Variants in TMEM131 observed in about 807,000 individuals in gnomAD.
TMEM131 encodes the protein 2610524E03Rik.
In TMEM131, 66 loss-of-function variants were observed where a neutral mutation model predicts 211.6. The ratio of observed to expected loss-of-function variants is 0.31; its 90% CI spans 0.26 to 0.38. TMEM131 has a LOEUF of 0.38. Among genes scored for constraint, TMEM131 ranks in the 10% least tolerant of loss-of-function variants. TMEM131 has a pLI of 1.00. For synonymous variants in TMEM131, 844 were observed against 841.3 expected, an observed-to-expected ratio of 1.00 and a Z score of -0.06; for missense variants, 2,036 against 2,299.3, an observed-to-expected ratio of 0.89 and a Z score of 2.34.
intron 1 of TMEM131, among the ~76,000 whole-genome samples, chr2:97,938,607 T>C (rs952296611): frequency 1.3e-5 from 2 of 152,048 alleles, no homozygotes; most frequent in African/African-American, 4.8e-5. Context: ...CTGTCAACAT[T>C]AGACAGATCA....
intron 19 of TMEM131, among the ~76,000 whole-genome samples, chr2:97,807,374 C>T (rs1172365215): frequency 1.3e-5 from 2 of 152,132 alleles, no homozygotes; most frequent in African/African-American, 2.4e-5. Context: ...GTTCTGACCT[C>T]GTAGTAATGA....
intron 11 of TMEM131, among the ~76,000 whole-genome samples, chr2:97,825,435 C>T (rs1174080412): frequency 6.6e-6 from 1 of 152,206 alleles, no homozygotes; most frequent in East Asian, 1.9e-4. Context: ...TATCCTCACC[C>T]TAAGACAAAA....
chr2:97,956,826 C>T (rs1240978832), intron 1 of TMEM131, among the ~76,000 whole-genome samples: 5 of 152,090 alleles, frequency 3.3e-5, no homozygotes, highest in South Asian at 4.2e-4. Flanking sequence ...CGGCTGGGCA[C>T]GGTGGCTCAC....
intron 35 of TMEM131, 75 bp from the exon 36 acceptor site, chr2:97,762,275 TCTAA>T: frequency 6.9e-7 from 1 of 1,442,810 alleles, no homozygotes; most frequent in Non-Finnish European, 9.6e-7. Context: ...TTGAATGTTC[TCTAA>T]GACTATGCAT....
intron 11 of TMEM131, among the ~76,000 whole-genome samples, chr2:97,826,392 C>A (rs1349566130): frequency 6.6e-6 from 1 of 152,124 alleles, no homozygotes; most frequent in Non-Finnish European, 1.5e-5. Context: ...CTAGGGGAAC[C>A]CCCATTAAAT....
At chr2:97,894,113 C>G (rs2104296356) in intron 3 of TMEM131, among the ~76,000 whole-genome samples, 1 of 152,282 alleles carries the variant, frequency 6.6e-6, no homozygotes, top group East Asian at 1.9e-4. Context: ...CCAGTTTTCC[C>G]AACATCATTT....
chr2:97,867,303 G>A (rs559938795), intron 4 of TMEM131, among the ~76,000 whole-genome samples: 4 of 152,162 alleles, frequency 2.6e-5, no homozygotes, highest in African/African-American at 4.8e-5. Context: ...TATTACTGTC[G>A]CATTGTGTAT....
chr2:97,772,769 T>C (rs1297880098), intron 32 of TMEM131, among the ~76,000 whole-genome samples: 1 of 152,218 alleles, frequency 6.6e-6, no homozygotes, highest in Non-Finnish European at 1.5e-5. Flanking sequence ...TGGTGGCGCA[T>C]GCCTGTAATC....
intron 35 of TMEM131, chr2:97,764,366 A>C (rs1326359544): frequency 6.6e-6 from 1 of 152,280 alleles, no homozygotes; most frequent in Non-Finnish European, 1.5e-5. Flanking sequence ...GATGGAGAGC[A>C]TGTGGGACCG....
chr2:97,854,079 T>C (rs1256256998), intron 5 of TMEM131, among the ~76,000 whole-genome samples: 5 of 152,170 alleles, frequency 3.3e-5, no homozygotes, highest in African/African-American at 1.2e-4. Flanking sequence ...GAAGAATCAA[T>C]GAATGTGGCA....
At chr2:97,823,923 A>G (rs1298294990) in intron 11 of TMEM131, among the ~76,000 whole-genome samples, 1 of 152,148 alleles carries the variant, frequency 6.6e-6, no homozygotes, top group Non-Finnish European at 1.5e-5. Context: ...CCTGAACAAA[A>G]TCTGGAGGCA....
intron 7 of TMEM131, among the ~76,000 whole-genome samples, chr2:97,841,300 T>C (rs1383843423): frequency 4.6e-5 from 7 of 152,214 alleles, no homozygotes; most frequent in African/African-American, 1.7e-4. Context: ...TTGAAAACAA[T>C]TACTGCTAGA....
Position 97,812,432 on chromosome 2 carries a change from C to G in TMEM131, c.1852G>C (p.Asp618His). ...LPEFEKSSLS[D>H]QSSVTLASGY... ...GAAAGTTTACTTACCGATGATTGAT[C>G]TGATAAAGAGGATTTTTCAAACTCT... The change falls in exon 17 of 41, where the codon GAT (aspartate) becomes CAT (histidine). Residue 618 changes from aspartate to histidine, a missense_variant. Coordinates refer to ENST00000186436, the MANE Select transcript of TMEM131 (RefSeq NM_015348.2). 6.2e-7 allele frequency: 1 copy of G among 1,601,190 alleles called. No homozygotes were observed. The highest frequency in any genetic ancestry group is 8.5e-7 in the Non-Finnish European group (1 of 1,176,608).
intron 33 of TMEM131, 55 bp from the exon 34 acceptor site, chr2:97,766,657 A>T: frequency 6.3e-7 from 1 of 1,592,240 alleles, no homozygotes; most frequent in South Asian, 1.1e-5. Context: ...TTTGGAGGAC[A>T]GAAGTCATTA....
chr2:97,931,892 C>T (rs1391900585), intron 1 of TMEM131, among the ~76,000 whole-genome samples: 1 of 152,174 alleles, frequency 6.6e-6, no homozygotes, highest in Non-Finnish European at 1.5e-5. Flanking sequence ...CACAGTGTGG[C>T]CCTCCTTGGC....
chr2:97,875,252 C>T (rs1674646026), intron 4 of TMEM131, among the ~76,000 whole-genome samples: 1 of 152,166 alleles, frequency 6.6e-6, no homozygotes, highest in African/African-American at 2.4e-5. Context: ...CTTAAACTCC[C>T]ACACAATCTA....
intron 1 of TMEM131, among the ~76,000 whole-genome samples, chr2:97,983,595 A>C (rs1040697616): frequency 6.6e-6 from 1 of 152,168 alleles, no homozygotes; most frequent in African/African-American, 2.4e-5. Flanking sequence ...ACCTGTGATC[A>C]ATTAAGCAGC....
intron 1 of TMEM131, among the ~76,000 whole-genome samples, chr2:97,958,408 C>G (rs925940212): frequency 6.6e-6 from 1 of 152,176 alleles, no homozygotes; most frequent in African/African-American, 2.4e-5. Context: ...TTCCTGAAGA[C>G]AGAGAAAGCC....
At chr2:97,867,860 G>A (rs906745582) in intron 4 of TMEM131, among the ~76,000 whole-genome samples, 1 of 152,176 alleles carries the variant, frequency 6.6e-6, no homozygotes, top group African/African-American at 2.4e-5. Flanking sequence ...GGTATGTGGT[G>A]GGGAGCATAA....
Sources: allele counts gnomAD v4.1 joint callset (sites outside exome capture counted in the v4.1 genomes callset), GRCh38; gene constraint gnomAD v4.1.1; transcripts MANE v1.5; gene names NCBI Gene and HGNC (gene_info 2026-07-23, HGNC 2026-07-21).